Variants in AUTS2 observed in about 807,000 individuals in gnomAD.
The protein encoded by AUTS2 is activator of transcription and developmental regulator AUTS2.
A neutral mutation model predicts 112.4 loss-of-function variants in AUTS2; 17 were observed. The observed-to-expected ratio is 0.15, with a 90% CI of 0.10 to 0.23. The LOEUF is 0.23. Among genes scored for constraint, AUTS2 ranks in the 10% least tolerant of loss-of-function variants. AUTS2 has a pLI of 1.00. For synonymous variants in AUTS2, 751 were observed against 702.7 expected, an observed-to-expected ratio of 1.07 and a Z score of -1.09; for missense variants, 1,510 against 1,701.6, an observed-to-expected ratio of 0.89 and a Z score of 1.98.
intron 4 of AUTS2, among the ~76,000 whole-genome samples, chr7:70,383,875 A>T (rs1585083584): frequency 6.6e-6 from 1 of 152,166 alleles, no homozygotes. Flanking sequence ...CTGACAAAAT[A>T]CCTAACCACC....
chr7:70,501,827 A>T (rs955456116), intron 5 of AUTS2, among the ~76,000 whole-genome samples: 3 of 152,120 alleles, frequency 2.0e-5, no homozygotes, highest in African/African-American at 7.2e-5. Flanking sequence ...TTTTGCAGCC[A>T]TCTAGCTTTC....
chr7:70,583,762 T>G (rs1460758194), intron 5 of AUTS2, among the ~76,000 whole-genome samples: 7 of 152,344 alleles, frequency 4.6e-5, no homozygotes, highest in African/African-American at 7.2e-5. Flanking sequence ...TGGGCGAGCC[T>G]TTCTTTGTGG....
intron 4 of AUTS2, among the ~76,000 whole-genome samples, chr7:70,406,969 A>C (rs1405717654): frequency 6.6e-6 from 1 of 152,188 alleles, no homozygotes; most frequent in Non-Finnish European, 1.5e-5. Flanking sequence ...AAACCTACTG[A>C]TTTGTTAAGT....
intron 4 of AUTS2, among the ~76,000 whole-genome samples, chr7:70,410,818 GAACT>G (rs1323456578): frequency 6.6e-6 from 1 of 151,136 alleles, no homozygotes; most frequent in Non-Finnish European, 1.5e-5. Context: ...ACATATGAAG[GAACT>G]AAGGAAATAA....
chr7:70,452,067 G>A (rs892589199), intron 5 of AUTS2, among the ~76,000 whole-genome samples: 6 of 152,088 alleles, frequency 3.9e-5, no homozygotes, highest in African/African-American at 1.4e-4. Flanking sequence ...GTGTGACTGC[G>A]GCCTTGGGCA....
intron 1 of AUTS2, among the ~76,000 whole-genome samples, chr7:69,623,381 ATT>A (rs56204810): frequency 4.6e-4 from 33 of 71,938 alleles, no homozygotes; most frequent in African/African-American, 1.3e-3. Context: ...ACGCCCAGCA[ATT>A]TTTTTTTTTT....
intron 2 of AUTS2, among the ~76,000 whole-genome samples, chr7:70,088,228 A>G (rs1463211275): frequency 1.3e-5 from 2 of 152,040 alleles, no homozygotes; most frequent in Non-Finnish European, 2.9e-5. Flanking sequence ...GGTTCACACC[A>G]TTCTCCTGCC....
chr7:70,394,109 C>A (rs1793983519), intron 4 of AUTS2, among the ~76,000 whole-genome samples: 1 of 149,948 alleles, frequency 6.7e-6, no homozygotes, highest in Non-Finnish European at 1.5e-5. Flanking sequence ...GGGAATTCAC[C>A]TTACACAGTC....
chr7:70,421,681 C>T (rs189621457), intron 4 of AUTS2, among the ~76,000 whole-genome samples: 19 of 152,352 alleles, frequency 1.2e-4, no homozygotes, highest in African/African-American at 3.6e-4. Context: ...GGAATTTGTA[C>T]AACCTCTTTC....
intron 1 of AUTS2, among the ~76,000 whole-genome samples, chr7:69,770,804 C>G (rs908696382): frequency 6.6e-6 from 1 of 151,936 alleles, no homozygotes; most frequent in Admixed American, 6.6e-5. Context: ...CTTTTTTTCC[C>G]CCCTCACCTC....
intron 2 of AUTS2, among the ~76,000 whole-genome samples, chr7:70,099,369 A>T (rs1286307808): frequency 1.3e-5 from 2 of 152,116 alleles, no homozygotes; most frequent in African/African-American, 4.8e-5. Context: ...AAATTCTTGG[A>T]TCTTAGCATC....
chr7:70,350,010 G>A (rs1791675748), intron 4 of AUTS2, among the ~76,000 whole-genome samples: 1 of 152,220 alleles, frequency 6.6e-6, no homozygotes, highest in Non-Finnish European at 1.5e-5. Flanking sequence ...TTAAACAACA[G>A]GAGAGGCTGG....
chr7:70,166,487 T>C (rs558382772), intron 4 of AUTS2, among the ~76,000 whole-genome samples: 2 of 152,252 alleles, frequency 1.3e-5, no homozygotes, highest in African/African-American at 4.8e-5. Flanking sequence ...TGTTGTAAGG[T>C]TTAAATGGAA....
chr7:69,978,900 A>G (rs941765058), intron 2 of AUTS2, among the ~76,000 whole-genome samples: 6 of 128,588 alleles, frequency 4.7e-5, no homozygotes, highest in South Asian at 2.6e-4. Flanking sequence ...ACACACACAC[A>G]CGCACACACG....
rs76935514 is a variant in AUTS2 at position 70,163,358 on chromosome 7, G to C, written c.660+28787G>C. Among the ~76,000 whole-genome samples, 69 of 24,992 alleles carry C rather than the reference G, an allele frequency of 2.8e-3. 5 individuals are homozygous for C. Among genetic ancestry groups the C allele is most frequent in the African/African-American group, 8.6e-3 (63 of 7,290 alleles). 16.4% of individuals were successfully genotyped at this position (24,992 alleles called of 152,430 possible). On this transcript the variant is annotated intron_variant, in intron 4 of 18. Transcript: ENST00000342771. ...GGTTGTGGTGGTGGGGGGGGGGGGG[G>C]CAGAGGGGGAGGGAGAAGGAGAGGG...
intron 1 of AUTS2, among the ~76,000 whole-genome samples, chr7:69,652,049 G>A (rs1338642619): frequency 1.3e-5 from 2 of 152,160 alleles, no homozygotes; most frequent in East Asian, 1.9e-4. Flanking sequence ...GAATGGTTAA[G>A]GCCTTTGGAG....
intron 4 of AUTS2, among the ~76,000 whole-genome samples, chr7:70,152,625 A>C (rs955558463): frequency 1.6e-4 from 24 of 152,144 alleles, no homozygotes; most frequent in Non-Finnish European, 3.4e-4. Context: ...TTTTATGCAC[A>C]ATATATAAAG....
chr7:70,516,222 T>C (rs1419896717), intron 5 of AUTS2, among the ~76,000 whole-genome samples: 1 of 152,162 alleles, frequency 6.6e-6, no homozygotes, highest in Admixed American at 6.5e-5. Context: ...CCTATAAAGA[T>C]GTGCTTTTTC....
At chr7:70,618,567 G>A (rs1053147008) in intron 5 of AUTS2, among the ~76,000 whole-genome samples, 1 of 152,180 alleles carries the variant, frequency 6.6e-6, no homozygotes, top group Non-Finnish European at 1.5e-5. Context: ...GAATTAAACT[G>A]CGATCACTAA....
Sources: gnomAD v4.1 joint callset for allele counts (sites outside exome capture counted in the v4.1 genomes callset) on GRCh38, gnomAD v4.1.1 for gene constraint, MANE v1.5 for transcripts, NCBI Gene and HGNC (gene_info 2026-07-23, HGNC 2026-07-21) for gene names.